SYNDIG1: variants seen among roughly 807,000 people sequenced by gnomAD.
SYNDIG1 encodes the protein synapse differentiation-inducing gene protein 1.
In SYNDIG1, 9 loss-of-function variants were observed where a neutral mutation model predicts 19.4. The observed-to-expected ratio is 0.46, with a 90% CI of 0.28 to 0.81. SYNDIG1 has a LOEUF of 0.81. SYNDIG1 is among the 30% of genes least tolerant of loss of function. SYNDIG1 has a pLI of 0.12. For synonymous variants in SYNDIG1, 141 were observed against 145.9 expected, an observed-to-expected ratio of 0.97 and a Z score of 0.24; for missense variants, 311 against 343.3, an observed-to-expected ratio of 0.91 and a Z score of 0.74.
intron 2 of SYNDIG1, among the ~76,000 whole-genome samples, chr20:24,555,828 G>T (rs1471975067): frequency 2.0e-5 from 3 of 152,134 alleles, no homozygotes; most frequent in Non-Finnish European, 4.4e-5. Flanking sequence ...GGTCCACTTG[G>T]TGCAGAGCTG....
intron 1 of SYNDIG1, among the ~76,000 whole-genome samples, chr20:24,493,400 G>A (rs750333024): frequency 2.0e-5 from 3 of 151,996 alleles, no homozygotes; most frequent in Admixed American, 2.0e-4. Flanking sequence ...AGACATGCAC[G>A]GGCACACACA....
In SYNDIG1 at chr20:24,624,020, T is replaced by C. The variant is rs142231385; in HGVS notation, c.618+39027T>C. Among the ~76,000 whole-genome samples, 795 of 152,136 alleles carry C rather than the reference T, an allele frequency of 5.2e-3. 7 individuals carry two copies. The highest frequency in any genetic ancestry group is 0.018 in the African/African-American group (748 of 41,514). Reference sequence around the variant, plus strand: ...GCTCACACCTGTAATCCCAGCACTTTGGGAGGCCAAGGCCGACGAATCACG... The same window carrying C: ...GCTCACACCTGTAATCCCAGCACTTCGGGAGGCCAAGGCCGACGAATCACG... On this transcript the variant is annotated intron_variant, in intron 3 of 3. Transcript: ENST00000376862.
At chr20:24,501,697 G>C (rs116932602) in intron 1 of SYNDIG1, among the ~76,000 whole-genome samples, 1 of 152,178 alleles carries the variant, frequency 6.6e-6, no homozygotes, top group Non-Finnish European at 1.5e-5. Flanking sequence ...GGGTTATTAC[G>C]TATTTCATGG....
chr20:24,560,898 G>A (rs2057932985), intron 2 of SYNDIG1, among the ~76,000 whole-genome samples: 1 of 149,956 alleles, frequency 6.7e-6, no homozygotes, highest in South Asian at 2.1e-4. Flanking sequence ...GTGTTGTTTT[G>A]GGTGTCTTGT....
chr20:24,545,443 C>T (rs6114766), intron 2 of SYNDIG1, among the ~76,000 whole-genome samples: 3,367 of 151,994 alleles, frequency 0.022, 135 homozygotes, highest in African/African-American at 0.077. Flanking sequence ...AAATGCTGCC[C>T]GACTCGCATG....
chr20:24,520,482 T>G (rs2056981438), intron 1 of SYNDIG1, among the ~76,000 whole-genome samples: 1 of 151,928 alleles, frequency 6.6e-6, no homozygotes, highest in Admixed American at 6.6e-5. Context: ...GATCACAACC[T>G]CAAGAGTTTG....
At chr20:24,569,772 A>C (rs748907189) in intron 2 of SYNDIG1, among the ~76,000 whole-genome samples, 9 of 152,196 alleles carry the variant, frequency 5.9e-5, no homozygotes, top group Non-Finnish European at 1.3e-4. Flanking sequence ...GCTGTGTGCA[A>C]CTCACTCTGA....
intron 2 of SYNDIG1, among the ~76,000 whole-genome samples, chr20:24,569,840 C>A (rs78071971): frequency 6.6e-6 from 1 of 151,996 alleles, no homozygotes; most frequent in Non-Finnish European, 1.5e-5. Context: ...AACAGGTGCA[C>A]GAATAATGAT....
At chr20:24,629,513 A>G (rs2059208430) in intron 3 of SYNDIG1, among the ~76,000 whole-genome samples, 1 of 152,152 alleles carries the variant, frequency 6.6e-6, no homozygotes, top group Non-Finnish European at 1.5e-5. Flanking sequence ...AAGGAAACTG[A>G]CAGGAAGCCA....
intron 1 of SYNDIG1, among the ~76,000 whole-genome samples, chr20:24,514,122 A>C (rs1020135056): frequency 3.3e-5 from 5 of 152,184 alleles, no homozygotes. Flanking sequence ...TTCCTGAAGG[A>C]AGCACTAAAT....
chr20:24,536,579 A>G (rs911878560), intron 1 of SYNDIG1, among the ~76,000 whole-genome samples: 26 of 151,996 alleles, frequency 1.7e-4, no homozygotes, highest in Non-Finnish European at 2.1e-4. Context: ...CTTCCTAAAT[A>G]TCCTCCGGGT....
At chr20:24,590,178 G>T (rs1414372871) in intron 3 of SYNDIG1, among the ~76,000 whole-genome samples, 1 of 152,130 alleles carries the variant, frequency 6.6e-6, no homozygotes, top group African/African-American at 2.4e-5. Context: ...TGATAAAGCC[G>T]CCAGTTGAGC....
At chr20:24,498,145 A>G (rs770686872) in intron 1 of SYNDIG1, among the ~76,000 whole-genome samples, 2 of 152,252 alleles carry the variant, frequency 1.3e-5, no homozygotes, top group East Asian at 3.8e-4. Context: ...ACTGACACAC[A>G]AAAAGCTGTG....
At chr20:24,560,844 G>T (rs1365079671) in intron 2 of SYNDIG1, among the ~76,000 whole-genome samples, 23 of 147,882 alleles carry the variant, frequency 1.6e-4, no homozygotes, top group Non-Finnish European at 1.5e-5. Flanking sequence ...TACCCCTAAG[G>T]TTATGATTGT....
At chr20:24,502,870 G>A (rs1436675282) in intron 1 of SYNDIG1, among the ~76,000 whole-genome samples, 5 of 152,216 alleles carry the variant, frequency 3.3e-5, no homozygotes, top group East Asian at 1.9e-4. Flanking sequence ...GCCTGCTGAC[G>A]TGTCTGGAAA....
At position 24,491,996 on chromosome 20, in the gene SYNDIG1, A is replaced by G. The variant is rs2146314464; in HGVS notation, c.-79+22243A>G. 1.3e-5 allele frequency among the ~76,000 whole-genome samples: 2 copies of G among 152,326 alleles called. 1 individual carries two copies. The highest frequency in any genetic ancestry group is 4.1e-4 in the South Asian group (2 of 4,826). ...GACAGGTGGAAAGAATGAAAATAGG[A>G]CTGAAGCAGGCCTGTGCCCTAGGCA... On this transcript the variant is annotated intron_variant, in intron 1 of 3. Coordinates refer to ENST00000376862, the MANE Select transcript of SYNDIG1 (RefSeq NM_024893.3).
rs145472344 is a variant in SYNDIG1 at position 24,652,696 on chromosome 20, C to A, written c.619-12650C>A. 5.3e-5 allele frequency among the ~76,000 whole-genome samples: 8 copies of A among 149,940 alleles called. No homozygotes were observed. The East Asian group carries it at 1.6e-3, about 30-fold the overall frequency. ...CTAACTGCAAATACCTGCCCTGACT[C>A]TGTTGGAGGCTTTCTCCACTCACAG... is the stretch of plus-strand genomic sequence containing the variant. On this transcript the variant is annotated intron_variant, in intron 3 of 3. Coordinates refer to ENST00000376862, the MANE Select transcript of SYNDIG1 (RefSeq NM_024893.3).
At chr20:24,484,036 G>A (rs2055882960) in intron 1 of SYNDIG1, among the ~76,000 whole-genome samples, 1 of 152,198 alleles carries the variant, frequency 6.6e-6, no homozygotes, top group African/African-American at 2.4e-5. Context: ...GAAGTTGGAT[G>A]TGACTTCAGA....
At chr20:24,478,286 C>T (rs941289864) in intron 1 of SYNDIG1, among the ~76,000 whole-genome samples, 7 of 152,204 alleles carry the variant, frequency 4.6e-5, no homozygotes, top group African/African-American at 1.2e-4. Context: ...AGAGTGGCAG[C>T]GCCAGGCAGG....
Sources: gnomAD v4.1 joint callset for allele counts (sites outside exome capture counted in the v4.1 genomes callset) on GRCh38, gnomAD v4.1.1 for gene constraint, MANE v1.5 for transcripts, NCBI Gene and HGNC (gene_info 2026-07-23, HGNC 2026-07-21) for gene names.